CNTNAP5: variants seen among roughly 807,000 people sequenced by gnomAD.
CNTNAP5 encodes contactin-associated protein-like 5.
In CNTNAP5, 72 loss-of-function variants were observed where a neutral mutation model predicts 150.2. The observed-to-expected ratio is 0.48, with a 90% CI of 0.40 to 0.58. The LOEUF (loss-of-function observed/expected upper bound fraction) is 0.58. Among genes scored for constraint, CNTNAP5 ranks in the 20% least tolerant of loss-of-function variants. The pLI is 0.00. For synonymous variants in CNTNAP5, 672 were observed against 619.8 expected (o/e 1.08, Z -1.25); for missense variants, 1,636 against 1,626.2 (o/e 1.01, Z -0.10).
Position 124,682,332 on chromosome 2 carries a change from G to A in CNTNAP5, c.2077+34374G>A, listed in dbSNP as rs974289782. ...CAATGTGCTGTCGTTTTGGTCATGC[G>A]CTGGAGTTAGCCCTGCTTCTCCCCA... On this transcript the variant is annotated intron_variant, in intron 13 of 23. Transcript: ENST00000682447. Among the ~76,000 whole-genome samples the A allele has an allele frequency of 3.3e-5, 5 of 152,286 alleles. No individual in the cohort carries two copies. In the East Asian group the frequency reaches 7.7e-4, roughly 24 times the overall value.
Position 124,613,379 on chromosome 2 carries a change from C to T in CNTNAP5, c.1876+3459C>T, listed in dbSNP as rs77126370. Among the ~76,000 whole-genome samples the T allele has an allele frequency of 2.6e-3, 393 of 152,272 alleles. 2 individuals carry two copies. Among genetic ancestry groups the T allele is most frequent in the African/African-American group, 8.9e-3 (370 of 41,558 alleles). ...AGCACCAGAAGGCAGGAAAACCAAG[C>T]TCTCTTTCTGCACCTTGTGCCTGTC... On this transcript the variant is annotated intron_variant, in intron 12 of 23. Coordinates refer to ENST00000682447, the MANE Select transcript of CNTNAP5 (RefSeq NM_001367498.1).
chr2:124,340,911 CAT>C (rs145485840), intron 3 of CNTNAP5, among the ~76,000 whole-genome samples: 114 of 145,582 alleles, frequency 7.8e-4, no homozygotes, highest in African/African-American at 2.2e-3. Context: ...GACACACACA[CAT>C]ATATATATAT....
chr2:124,216,328 G>T (rs191636402), intron 1 of CNTNAP5, among the ~76,000 whole-genome samples: 2 of 151,620 alleles, frequency 1.3e-5, no homozygotes, highest in Admixed American at 6.6e-5. Flanking sequence ...AAAAGGATTT[G>T]CATTTTAAAA....
intron 11 of CNTNAP5, among the ~76,000 whole-genome samples, chr2:124,609,194 A>G (rs1276217320): frequency 6.6e-6 from 1 of 152,204 alleles, no homozygotes; most frequent in African/African-American, 2.4e-5. Flanking sequence ...GAGGAAGGTC[A>G]TAGAGATAAG....
rs575316105 is a variant in CNTNAP5, at chr2:124,653,886, C to G, written c.2077+5928C>G. Reference sequence around the variant, plus strand: ...GCCTGCATACTTGTAGTAGGGAAGACAGAAACATGCCCCCACTGCCCCCAA... The same window carrying G: ...GCCTGCATACTTGTAGTAGGGAAGAGAGAAACATGCCCCCACTGCCCCCAA... On this transcript the variant is annotated intron_variant, in intron 13 of 23. Transcript: ENST00000682447. 2.2e-3 allele frequency among the ~76,000 whole-genome samples: 313 copies of G among 141,830 alleles called. 5 individuals are homozygous for G. The highest frequency in any genetic ancestry group is 8.0e-3 in the African/African-American group (307 of 38,172). 93.0% of individuals were successfully genotyped at this position (141,830 alleles called of 152,430 possible).
At chr2:124,500,980 C>T (rs1694266946) in intron 7 of CNTNAP5, among the ~76,000 whole-genome samples, 1 of 152,112 alleles carries the variant, frequency 6.6e-6, no homozygotes, top group Non-Finnish European at 1.5e-5. Flanking sequence ...TAAGGAAAAG[C>T]ACTCAGACCC....
intron 3 of CNTNAP5, among the ~76,000 whole-genome samples, chr2:124,371,096 G>T (rs1224049801): frequency 6.6e-6 from 1 of 152,018 alleles, no homozygotes; most frequent in Non-Finnish European, 1.5e-5. Flanking sequence ...ATATAAGGAG[G>T]GTACCTCTCA....
At chr2:124,178,263 C>CA (rs1685117749) in intron 1 of CNTNAP5, among the ~76,000 whole-genome samples, 2 of 152,204 alleles carry the variant, frequency 1.3e-5, no homozygotes, top group African/African-American at 4.8e-5. Context: ...CAGTTGAACT[C>CA]ACTGTACGTG....
chr2:124,088,636 T>C (rs1169401874), intron 1 of CNTNAP5, among the ~76,000 whole-genome samples: 3 of 152,102 alleles, frequency 2.0e-5, no homozygotes, highest in Non-Finnish European at 4.4e-5. Context: ...ATAATTGCCT[T>C]GTGTATATAA....
intron 1 of CNTNAP5, among the ~76,000 whole-genome samples, chr2:124,181,571 A>G (rs1240753604): frequency 2.0e-5 from 3 of 152,150 alleles, no homozygotes; most frequent in Non-Finnish European, 2.9e-5. Context: ...GGTTAAGTGG[A>G]TAAAGTGTCC....
intron 1 of CNTNAP5, among the ~76,000 whole-genome samples, chr2:124,098,399 C>T (rs1481846944): frequency 6.6e-6 from 1 of 152,070 alleles, no homozygotes. Context: ...TAAGTAGATC[C>T]ATGCAGTTCT....
At chr2:124,822,355 C>T (rs562356715) in intron 19 of CNTNAP5, among the ~76,000 whole-genome samples, 1 of 152,246 alleles carries the variant, frequency 6.6e-6, no homozygotes, top group African/African-American at 2.4e-5. Context: ...CTTGTCTTAA[C>T]TCTTGCCCTC....
intron 12 of CNTNAP5, among the ~76,000 whole-genome samples, chr2:124,642,227 A>G (rs1287066455): frequency 1.3e-5 from 2 of 152,088 alleles, no homozygotes; most frequent in African/African-American, 4.8e-5. Context: ...AGAATATTCC[A>G]CCATTACTAC....
rs1678773691 is a variant in CNTNAP5, at chr2:124,916,587, G to A, written c.*2299G>A. Among the ~76,000 whole-genome samples, 1 of 152,072 alleles carries A rather than the reference G, an allele frequency of 6.6e-6. No individual in the cohort carries two copies. The highest frequency in any genetic ancestry group is 2.4e-5 in the African/African-American group (1 of 41,440). ...TGAGCAGTGAGGACTATGTTTTGCT[G>A]ACATAGTGCTAATAGAAGAAATGGA... On this transcript the variant is annotated 3_prime_UTR_variant, in exon 24 of 24. Transcript: ENST00000682447.
chr2:124,523,103 C>T (rs1694885733), intron 8 of CNTNAP5, among the ~76,000 whole-genome samples: 1 of 152,108 alleles, frequency 6.6e-6, no homozygotes, highest in Non-Finnish European at 1.5e-5. Flanking sequence ...TGTTAATATC[C>T]ATACCCTCTA....
intron 14 of CNTNAP5, among the ~76,000 whole-genome samples, chr2:124,763,407 A>G (rs1238619361): frequency 2.0e-5 from 3 of 152,140 alleles, no homozygotes; most frequent in Non-Finnish European, 4.4e-5. Context: ...CACCAAAAGC[A>G]GCATCTTTGT....
intron 9 of CNTNAP5, 97 bp downstream of exon 9, chr2:124,524,549 C>T (rs1694921891): frequency 8.6e-7 from 1 of 1,161,304 alleles, no homozygotes; most frequent in Non-Finnish European, 1.2e-6. Flanking sequence ...GTCAATTAGA[C>T]AATTCTCCCA....
At chr2:124,456,804 C>G (rs1310509251) in intron 6 of CNTNAP5, among the ~76,000 whole-genome samples, 1 of 152,044 alleles carries the variant, frequency 6.6e-6, no homozygotes, top group East Asian at 1.9e-4. Flanking sequence ...CAAACAAAAA[C>G]AAAAGTGGAG....
chr2:124,552,600 T>C (rs1030506892), intron 10 of CNTNAP5, among the ~76,000 whole-genome samples: 5 of 152,192 alleles, frequency 3.3e-5, no homozygotes, highest in Middle Eastern at 3.2e-3. Flanking sequence ...AGCAAGCATA[T>C]ACACACATGC....
Sources: gnomAD v4.1 joint callset for allele counts (sites outside exome capture counted in the v4.1 genomes callset) on GRCh38, gnomAD v4.1.1 for gene constraint, MANE v1.5 for transcripts, NCBI Gene and HGNC (gene_info 2026-07-23, HGNC 2026-07-21) for gene names.